The following STPG2 variants were observed in gnomAD, a reference collection of about 807,000 sequenced individuals.
STPG2 encodes the protein sperm-tail PG-rich repeat-containing protein 2.
In STPG2, 56 loss-of-function variants were observed where a neutral mutation model predicts 54.2. The ratio of observed to expected loss-of-function variants is 1.03; its 90% CI spans 0.83 to 1.29. STPG2 has a LOEUF of 1.29. STPG2 is among the 50% of genes most tolerant of loss of function. The pLI is 0.00. For missense variants in STPG2, 596 were observed against 544.9 expected (o/e 1.09, Z -0.93); for synonymous variants, 200 against 181.8 (o/e 1.10, Z -0.81).
At chr4:98,080,121 T>C (rs1053924207) in intron 5 of STPG2, among the ~76,000 whole-genome samples, 1 of 151,710 alleles carries the variant, frequency 6.6e-6, no homozygotes. Context: ...ATATATAAAA[T>C]CCAAAAGTAA....
chr4:97,662,150 C>T (rs892954359), intron 10 of STPG2, among the ~76,000 whole-genome samples: 2 of 151,974 alleles, frequency 1.3e-5, no homozygotes, highest in Non-Finnish European at 2.9e-5. Context: ...GTCTAATATC[C>T]AGACTCTATA....
chr4:97,937,123 A>C (rs766261161), intron 8 of STPG2, among the ~76,000 whole-genome samples: 42 of 152,080 alleles, frequency 2.8e-4, no homozygotes, highest in Admixed American at 7.2e-4. Context: ...TATTTCAGCA[A>C]GACAGTCTTC....
At chr4:97,655,036 C>A (rs1305252972) in intron 10 of STPG2, among the ~76,000 whole-genome samples, 1 of 151,936 alleles carries the variant, frequency 6.6e-6, no homozygotes, top group Non-Finnish European at 1.5e-5. Context: ...AATATTAACC[C>A]TGGTTATCTC....
At chr4:98,052,737 T>C (rs1025431715) in intron 5 of STPG2, among the ~76,000 whole-genome samples, 1 of 152,206 alleles carries the variant, frequency 6.6e-6, no homozygotes, top group Non-Finnish European at 1.5e-5. Context: ...ATATTTAAAA[T>C]ACTTAACACA....
At chr4:97,477,467 TC>T (rs2148818557) in intron 4 of STPG2, among the ~76,000 whole-genome samples, 1 of 150,668 alleles carries the variant, frequency 6.6e-6, no homozygotes, top group South Asian at 2.1e-4. Context: ...TGGTTTACCT[TC>T]CTTTTTTGTT....
At position 98,061,644 on chromosome 4, in the gene STPG2, C is replaced by G. The variant is rs1737663349; in HGVS notation, c.612+44309G>C. 2.0e-5 allele frequency among the ~76,000 whole-genome samples: 3 copies of G among 151,880 alleles called. No individual in the cohort carries two copies. The South Asian group carries it at 6.2e-4, about 32-fold the overall frequency. On this transcript the variant is annotated intron_variant, in intron 5 of 10. Transcript: ENST00000295268. ...TTAAAAAGTGAGCAAAGTACATGAA[C>G]AGACAAGTCTCAAAAGAAGACATAC...
chr4:97,790,563 G>A (rs1457778491), intron 9 of STPG2, among the ~76,000 whole-genome samples: 1 of 152,074 alleles, frequency 6.6e-6, no homozygotes, highest in Non-Finnish European at 1.5e-5. Context: ...TAATTTTCCT[G>A]GTAGCTGTTG....
intron 5 of STPG2, among the ~76,000 whole-genome samples, chr4:98,064,565 T>C (rs1297967227): frequency 6.6e-6 from 1 of 152,224 alleles, no homozygotes; most frequent in Non-Finnish European, 1.5e-5. Flanking sequence ...CTGCACATCA[T>C]CTTGTTTAAA....
At chr4:97,753,752 T>C (rs1307235904) in intron 9 of STPG2, among the ~76,000 whole-genome samples, 1 of 152,062 alleles carries the variant, frequency 6.6e-6, no homozygotes, top group Non-Finnish European at 1.5e-5. Flanking sequence ...TGTGTTTCCC[T>C]AAACTAGTGA....
At chr4:97,489,356 TG>T (rs1192683600) in intron 4 of STPG2, among the ~76,000 whole-genome samples, 7 of 151,770 alleles carry the variant, frequency 4.6e-5, no homozygotes. Flanking sequence ...ATCAGGCATC[TG>T]GGTCAGAAAT....
rs138130783 is a variant in STPG2, at chr4:97,658,178, G to C, written c.1320+54521C>G. On this transcript the variant is annotated intron_variant, in intron 10 of 10. Transcript: ENST00000295268. ...TCAAGTGATAAAGAAACTGAAGATA[G>C]CTGCTATAATGTGCTTTGTTTCTTG... Among the ~76,000 whole-genome samples, 194 of 152,272 alleles carry C rather than the reference G, an allele frequency of 1.3e-3. 1 individual carries two copies. Among genetic ancestry groups the C allele is most frequent in the Middle Eastern group, 6.8e-3 (2 of 294 alleles).
At chr4:97,964,961 G>A (rs1156487306) in intron 7 of STPG2, among the ~76,000 whole-genome samples, 4 of 152,152 alleles carry the variant, frequency 2.6e-5, no homozygotes, top group Non-Finnish European at 2.9e-5. Flanking sequence ...TCCAACTGAG[G>A]CACCTGGTTC....
At chr4:98,102,895 AATATAAT>A (rs1448024336) in intron 5 of STPG2, among the ~76,000 whole-genome samples, 3 of 148,840 alleles carry the variant, frequency 2.0e-5, no homozygotes, top group Middle Eastern at 3.3e-3. Context: ...ATTAACATGT[AATATAAT>A]ATATAACAAA....
At chr4:97,500,039 G>A (rs967060235) in intron 4 of STPG2, among the ~76,000 whole-genome samples, 8 of 151,806 alleles carry the variant, frequency 5.3e-5, no homozygotes, top group Admixed American at 5.3e-4. Context: ...TATTTTAATT[G>A]GGCCATTCTG....
At chr4:97,669,854 A>T (rs1410874461) in intron 10 of STPG2, among the ~76,000 whole-genome samples, 2 of 152,108 alleles carry the variant, frequency 1.3e-5, no homozygotes, top group African/African-American at 4.8e-5. Context: ...GCATGAAGTC[A>T]TTATAATGCT....
chr4:97,565,429 C>G (rs1029338266), intron 10 of STPG2, among the ~76,000 whole-genome samples: 10 of 152,210 alleles, frequency 6.6e-5, no homozygotes, highest in Non-Finnish European at 1.2e-4. Flanking sequence ...CTTCTTCTCT[C>G]AACTCGTCAA....
chr4:97,741,002 G>T (rs886376251), intron 9 of STPG2, among the ~76,000 whole-genome samples: 21 of 152,022 alleles, frequency 1.4e-4, no homozygotes, highest in African/African-American at 4.8e-4. Context: ...CATGGTACTG[G>T]TACCAAACAG....
At position 97,815,166 on chromosome 4, in the gene STPG2, AAAGT is replaced by A. The variant is rs914539854; in HGVS notation, c.1204+25603_1204+25606del. Reference sequence around the variant, plus strand: ...AGAGAAAACATAATGGTAGCGAAAGAAAGTAATTACAAATACCAGCTTTGACTAT... The same window carrying A: ...AGAGAAAACATAATGGTAGCGAAAGAAATTACAAATACCAGCTTTGACTAT... On this transcript the variant is annotated intron_variant, in intron 9 of 10. Transcript: ENST00000295268. Among the ~76,000 whole-genome samples, 10 of 152,170 alleles carry A rather than the reference AAAGT, an allele frequency of 6.6e-5. 1 individual carries two copies. Among genetic ancestry groups the A allele is most frequent in the Admixed American group, 5.2e-4 (8 of 15,276 alleles).
At chr4:97,753,645 G>C (rs1046166438) in intron 9 of STPG2, among the ~76,000 whole-genome samples, 3 of 151,956 alleles carry the variant, frequency 2.0e-5, no homozygotes, top group Non-Finnish European at 4.4e-5. Flanking sequence ...CACCAGTAAT[G>C]CACGAGGGTT....
Sources: allele counts gnomAD v4.1 joint callset (sites outside exome capture counted in the v4.1 genomes callset), GRCh38; gene constraint gnomAD v4.1.1; transcripts MANE v1.5; gene names NCBI Gene and HGNC (gene_info 2026-07-23, HGNC 2026-07-21).